The following LRRK1 variants were observed in gnomAD, a reference collection of about 807,000 sequenced individuals.
LRRK1 encodes the protein leucine rich repeat kinase 1.
A neutral mutation model predicts 209.1 loss-of-function variants in LRRK1; 113 were observed. The ratio of observed to expected loss-of-function variants is 0.54; its 90% CI spans 0.46 to 0.63. LRRK1 has a LOEUF of 0.63. Ranked by LOEUF, LRRK1 falls within the 30% of genes least tolerant of loss-of-function variation. LRRK1 has a pLI of 0.00. For synonymous variants in LRRK1, 1,144 were observed against 1,099.7 expected (o/e 1.04, Z -0.80); for missense variants, 2,284 against 2,632.2 (o/e 0.87, Z 2.89).
intron 20 of LRRK1, among the ~76,000 whole-genome samples, chr15:101,035,511 A>C (rs886890107): frequency 6.6e-6 from 1 of 152,090 alleles, no homozygotes; most frequent in Non-Finnish European, 1.5e-5. Context: ...ATCTTTTTGC[A>C]ATGCTTTACT....
At chr15:100,936,722 G>C (rs1567187886) in intron 2 of LRRK1, among the ~76,000 whole-genome samples, 4 of 152,190 alleles carry the variant, frequency 2.6e-5, no homozygotes, top group African/African-American at 4.8e-5. Flanking sequence ...AGTCCTCTAT[G>C]ATGAGCCACT....
At chr15:100,927,943 G>A (rs765514893) in intron 2 of LRRK1, among the ~76,000 whole-genome samples, 13 of 152,128 alleles carry the variant, frequency 8.5e-5, no homozygotes, top group Admixed American at 1.3e-4. Flanking sequence ...TTTCATTTTC[G>A]CAGAATATAT....
chr15:101,046,175 A>C, intron 21 of LRRK1, 23 bp downstream of exon 21: 1 of 1,611,766 alleles, frequency 6.2e-7, no homozygotes, highest in Non-Finnish European at 8.5e-7. Flanking sequence ...CGGTTTCTGC[A>C]TAGACAGATG....
At position 101,065,222 on chromosome 15, in the gene LRRK1, C is replaced by A; in HGVS notation, c.4915-130C>A. The stretch of plus-strand genomic sequence containing the variant: ...CCCGGCCTTTCTAAGAGATTTGCTG[C>A]CCTGAGGCGCACTGGTGGAAAGTGA... On this transcript the variant is annotated intron_variant, in intron 31 of 33. Transcript: ENST00000388948. The A allele has an allele frequency of 5.5e-6, 6 of 1,083,930 alleles. No individual in the cohort carries two copies. The South Asian group carries it at 6.2e-5, about 11-fold the overall frequency. 67.1% of individuals were successfully genotyped at this position (1,083,930 alleles called of 1,614,324 possible).
At chr15:100,994,199 C>T (rs572205924) in intron 6 of LRRK1, among the ~76,000 whole-genome samples, 8 of 152,306 alleles carry the variant, frequency 5.3e-5, no homozygotes, top group South Asian at 2.1e-4. Flanking sequence ...AAAGACATTA[C>T]GTTATTTGTC....
intron 2 of LRRK1, among the ~76,000 whole-genome samples, chr15:100,926,301 G>A (rs1051244125): frequency 1.3e-5 from 2 of 152,084 alleles, no homozygotes; most frequent in Middle Eastern, 3.2e-3. Flanking sequence ...CCCCGATTTG[G>A]GGGTAGCACC....
chr15:100,993,370 G>A (rs1324213281), intron 6 of LRRK1, among the ~76,000 whole-genome samples: 1 of 152,130 alleles, frequency 6.6e-6, no homozygotes, highest in African/African-American at 2.4e-5. Context: ...ATGTACAAGT[G>A]TACATACATC....
At chr15:101,025,371 C>A (rs1567241947) in intron 16 of LRRK1, among the ~76,000 whole-genome samples, 1 of 152,218 alleles carries the variant, frequency 6.6e-6, no homozygotes, top group South Asian at 2.1e-4. Context: ...ATGCAACAGT[C>A]CCTCAGGTTC....
intron 4 of LRRK1, among the ~76,000 whole-genome samples, chr15:100,987,138 G>T (rs113434590): frequency 0.011 from 1,627 of 152,220 alleles, 37 homozygotes; most frequent in African/African-American, 0.037. Context: ...GGAGAAGAAG[G>T]GATATTTACT....
chr15:101,024,836 G>A lies in LRRK1; in HGVS notation c.2101G>A (p.Gly701Arg), dbSNP rs896004560. ...ESVEFNVWDI[G>R]GPASMATVNQ... ...CGTGGAGTTCAACGTCTGGGACATC[G>A]GGGGACCGGCCAGCATGGCCACTGT... The change falls in exon 16 of 34, where the codon GGG becomes AGG. Residue 701 changes from glycine to arginine, a missense_variant. Physicochemically the swap from Gly to Arg is moderately radical, Grantham distance 125. Coordinates refer to ENST00000388948, the MANE Select transcript of LRRK1 (RefSeq NM_024652.6). The surrounding 1 kb of genome is among the most constrained non-coding windows in gnomAD (Gnocchi z 4.6). The A allele has an allele frequency of 6.8e-6, 11 of 1,613,836 alleles. No individual in the cohort carries two copies. Among genetic ancestry groups the A allele is most frequent in the Middle Eastern group, 1.6e-4 (1 of 6,082 alleles).
intron 2 of LRRK1, among the ~76,000 whole-genome samples, chr15:100,966,310 T>G (rs1596210374): frequency 6.6e-6 from 1 of 152,226 alleles, no homozygotes; most frequent in South Asian, 2.1e-4. Context: ...TCTGTGGCGG[T>G]GAGGAGGGGC....
chr15:101,053,317 C>T lies in LRRK1; in HGVS notation c.3951C>T (p.Pro1317=). 1 of 1,605,354 alleles carries T rather than the reference C, an allele frequency of 6.2e-7. No individual in the cohort carries two copies. Among genetic ancestry groups the T allele is most frequent in the Non-Finnish European group, 8.5e-7 (1 of 1,179,940 alleles). ...GCATGCTGCACGCGCTGCAGCACCCCTGCATCGTGGCGCTCATCGGCATCA... is the reference window on the plus strand; with the variant it reads ...GCATGCTGCACGCGCTGCAGCACCCTTGCATCGTGGCGCTCATCGGCATCA... ...EASMLHALQH[P]CIVALIGISI... The change falls in exon 26 of 34, where the codon CCC becomes CCT. Residue 1317 remains proline, a synonymous_variant. Transcript: ENST00000388948.
chr15:101,062,079 T>G (rs2036217224), intron 30 of LRRK1, among the ~76,000 whole-genome samples: 1 of 152,248 alleles, frequency 6.6e-6, no homozygotes, highest in South Asian at 2.1e-4. Flanking sequence ...ATCCAAGAGA[T>G]GCTCCCACAA....
chr15:100,998,630 T>C (rs1218593858), intron 6 of LRRK1, among the ~76,000 whole-genome samples: 1 of 2,898 alleles, frequency 3.5e-4, no homozygotes, highest in Non-Finnish European at 7.2e-4. Context: ...AGAAAATGGA[T>C]GGGTGGGTGG....
rs981035736 is a variant in LRRK1 at position 101,051,790 on chromosome 15, C to G, written c.3519C>G (p.Ala1173=). The change falls in exon 24 of 34, where the codon GCC becomes GCG. Residue 1173 remains alanine (A), a synonymous_variant. Transcript: ENST00000388948. The stretch of plus-strand genomic sequence containing the variant: ...GCCCGGTCTGCGAGACAGCCTGGGC[C>G]CAGCACACGGACCCCAGTGAGAAAT... ...VPCPVCETAW[A]QHTDPSEKSE... 7 of 1,613,896 alleles carry G rather than the reference C, an allele frequency of 4.3e-6. No individual in the cohort carries two copies. The African/African-American group carries it at 8.0e-5, about 18-fold the overall frequency.
At chr15:101,056,252 C>CT (rs1157164082) in intron 27 of LRRK1, among the ~76,000 whole-genome samples, 1 of 152,142 alleles carries the variant, frequency 6.6e-6, no homozygotes, top group Non-Finnish European at 1.5e-5. Flanking sequence ...GGAGACGCTC[C>CT]TTTTTTTATG....
At chr15:100,940,296 C>G (rs566959086) in intron 2 of LRRK1, among the ~76,000 whole-genome samples, 1 of 152,094 alleles carries the variant, frequency 6.6e-6, no homozygotes, top group Non-Finnish European at 1.5e-5. Flanking sequence ...TCTAAATTTA[C>G]TCTTCTTGAC....
chr15:100,956,455 C>CTTTTTCTTTTCTTTTTTTTTT, intron 2 of LRRK1, among the ~76,000 whole-genome samples: 2,022 of 60,420 alleles, frequency 0.033, 247 homozygotes, highest in African/African-American at 0.052. Flanking sequence ...TTTTTTTTTT[C>CTTTTTCTTTTCTTTTTTTTTT]TTTTTTTTTT....
chr15:101,059,497 C>A (rs1260714321), intron 29 of LRRK1, among the ~76,000 whole-genome samples: 3 of 152,180 alleles, frequency 2.0e-5, no homozygotes, highest in Non-Finnish European at 4.4e-5. Context: ...ATTAATTAAA[C>A]AGGTTTCAGT....
Sources: gnomAD v4.1 joint callset for allele counts (sites outside exome capture counted in the v4.1 genomes callset) on GRCh38, gnomAD v4.1.1 for gene constraint, Gnocchi (gnomAD v3.1) non-coding constraint, MANE v1.5 for transcripts, NCBI Gene and HGNC (gene_info 2026-07-23, HGNC 2026-07-21) for gene names.